The following DMD variants were observed in gnomAD, a reference collection of about 807,000 sequenced individuals.
DMD encodes the protein mutant dystrophin.
DMD carries 63 observed loss-of-function variants against 330.1 expected under a neutral mutation model. The observed-to-expected ratio is 0.19, with a 90% CI of 0.16 to 0.24. The LOEUF (loss-of-function observed/expected upper bound fraction) is 0.24, where lower values mean the gene tolerates loss of function less well. Among genes scored for constraint, DMD ranks in the 10% least tolerant of loss-of-function variants. The pLI is 1.00. For synonymous variants in DMD, 1,223 were observed against 959.8 expected (o/e 1.27, Z -5.07); for missense variants, 3,344 against 2,684.1 (o/e 1.25, Z -5.43).
chrX:32,979,221 T>C (rs2092637320), intron 2 of DMD, among the ~76,000 whole-genome samples: 1 of 112,318 alleles, frequency 8.9e-6, no homozygotes, highest in Non-Finnish European at 1.9e-5. Flanking sequence ...GAAACTCTCT[T>C]TGAACCTGAA....
intron 29 of DMD, among the ~76,000 whole-genome samples, chrX:32,431,917 G>A (rs1181677639): frequency 9.0e-6 from 1 of 110,877 alleles, no homozygotes. Flanking sequence ...AAGTTCCCCT[G>A]AGTTTAATCT....
chrX:31,759,145 A>T (rs2089365737), intron 51 of DMD, among the ~76,000 whole-genome samples: 2 of 111,218 alleles, frequency 1.8e-5, no homozygotes, highest in Admixed American at 1.9e-4. Context: ...CCAGAAAAAA[A>T]TATTCACATA....
intron 51 of DMD, among the ~76,000 whole-genome samples, chrX:31,767,782 T>C (rs1227173216): frequency 1.8e-5 from 2 of 112,304 alleles, no homozygotes; most frequent in Non-Finnish European, 3.8e-5. Context: ...TCAGAATTAT[T>C]CTGTAGCTAA....
chrX:31,207,677 A>C (rs977428766), intron 65 of DMD, among the ~76,000 whole-genome samples: 1 of 111,998 alleles, frequency 8.9e-6, no homozygotes, highest in African/African-American at 3.3e-5. Flanking sequence ...AAATGATGAG[A>C]GCTCACGAAC....
intron 60 of DMD, among the ~76,000 whole-genome samples, chrX:31,396,130 G>T (rs183782151): frequency 0.019 from 1,839 of 97,572 alleles, 44 homozygotes; most frequent in African/African-American, 0.07. Context: ...AGCTTCCAAA[G>T]ATGACAATTT....
intron 2 of DMD, among the ~76,000 whole-genome samples, chrX:32,980,390 A>T (rs1453850139): frequency 2.9e-5 from 3 of 104,280 alleles, no homozygotes; most frequent in Non-Finnish European, 5.8e-5. Flanking sequence ...AAAAAAAAAA[A>T]AAAGGAGTAA....
rs1163770103 is a variant in DMD, at chrX:31,550,727, C to G, written c.8218-43274G>C. Among the ~76,000 whole-genome samples, 7 of 112,041 alleles carry G rather than the reference C, an allele frequency of 6.2e-5. No individual in the cohort carries two copies. In the South Asian group the frequency reaches 1.9e-3, roughly 30 times the overall value. On this transcript the variant is annotated intron_variant, in intron 55 of 78. Coordinates refer to ENST00000357033, the MANE Select transcript of DMD (RefSeq NM_004006.3). ...AAGGTTATATATACATACACAGTCT[C>G]TCTCTCCCATGTAACTATATCCACT...
chrX:32,308,613 C>T (rs331314), intron 42 of DMD, among the ~76,000 whole-genome samples: 9,665 of 110,313 alleles, frequency 0.088, 357 homozygotes, highest in Non-Finnish European at 0.12. Context: ...ACAATAATAC[C>T]ATATTATAAA....
chrX:31,134,037 T>C lies in DMD; in HGVS notation c.11014+65A>G, dbSNP rs72466534. ...TCCATATGGAAAATACACACACCAGTTGGGTAGGGAAGCGAGTGGCCTGAT... is the reference window on the plus strand; with the variant it reads ...TCCATATGGAAAATACACACACCAGCTGGGTAGGGAAGCGAGTGGCCTGAT... On this transcript the variant is annotated intron_variant, in intron 77 of 78. Coordinates refer to ENST00000357033, the MANE Select transcript of DMD (RefSeq NM_004006.3). 1,736 of 987,850 alleles carry C rather than the reference T, an allele frequency of 1.8e-3. 32 individuals carry two copies. In the East Asian group the frequency reaches 0.046, roughly 26 times the overall value. 81.4% of individuals were successfully genotyped at this position (987,850 alleles called of 1,213,427 possible). A position where few individuals can be genotyped will look rare whatever the true frequency, so the allele number is the denominator to read the frequency against.
At chrX:32,912,880 T>C (rs2149342448) in intron 2 of DMD, among the ~76,000 whole-genome samples, 1 of 112,398 alleles carries the variant, frequency 8.9e-6, no homozygotes, top group African/African-American at 3.2e-5. Flanking sequence ...CATTTGGTTA[T>C]GATTGAAACT....
chrX:32,346,659 C>T (rs746902224), intron 38 of DMD, among the ~76,000 whole-genome samples: 1 of 111,187 alleles, frequency 9.0e-6, no homozygotes, highest in East Asian at 2.8e-4. Flanking sequence ...TGCTAAGTTA[C>T]CATCAAATAA....
intron 63 of DMD, among the ~76,000 whole-genome samples, chrX:31,226,464 G>A (rs930501796): frequency 2.7e-5 from 3 of 111,770 alleles, no homozygotes; most frequent in South Asian, 7.6e-4. Context: ...AAAGCATCTC[G>A]GAGTATCTTG....
chrX:33,045,127 T>A (rs767037083), intron 1 of DMD, among the ~76,000 whole-genome samples: 98 of 111,159 alleles, frequency 8.8e-4, no homozygotes, highest in Non-Finnish European at 1.6e-3. Flanking sequence ...TGAGGCTGTA[T>A]TTTGCATTTA....
At chrX:31,184,888 C>G in intron 67 of DMD, among the ~76,000 whole-genome samples, 1 of 92,889 alleles carries the variant, frequency 1.1e-5, no homozygotes, top group East Asian at 3.7e-4. Flanking sequence ...ACCGCATGTT[C>G]TCACTCATAG....
intron 7 of DMD, among the ~76,000 whole-genome samples, chrX:32,742,216 A>C (rs185435476): frequency 1.2e-4 from 14 of 112,136 alleles, no homozygotes; most frequent in Admixed American, 3.8e-4. Flanking sequence ...ATCACTCTAC[A>C]GTAATGACAC....
chrX:33,277,823 A>C (rs1305194304), intron 1 of DMD, among the ~76,000 whole-genome samples: 1 of 111,734 alleles, frequency 8.9e-6, no homozygotes, highest in Non-Finnish European at 1.9e-5. Flanking sequence ...TTACACAAAT[A>C]GAGACCAGAT....
chrX:31,558,492 G>C (rs996532688), intron 55 of DMD, among the ~76,000 whole-genome samples: 1 of 111,341 alleles, frequency 9.0e-6, no homozygotes, highest in African/African-American at 3.3e-5. Flanking sequence ...AGATGTTGAG[G>C]CTTCAATCAC....
intron 1 of DMD, chrX:33,041,340 C>A: frequency 8.7e-7 from 1 of 1,148,576 alleles, no homozygotes; most frequent in Non-Finnish European, 1.2e-6. Flanking sequence ...CTGCGCGTCG[C>A]CCTCCACGGT....
intron 47 of DMD, among the ~76,000 whole-genome samples, chrX:31,879,611 C>G (rs2094027366): frequency 8.9e-6 from 1 of 112,197 alleles, no homozygotes; most frequent in Admixed American, 9.5e-5. Context: ...CTAAAGCCAT[C>G]AGTGAAAAAT....
Sources: allele counts gnomAD v4.1 joint callset (sites outside exome capture counted in the v4.1 genomes callset), GRCh38; gene constraint gnomAD v4.1.1; transcripts MANE v1.5; gene names NCBI Gene and HGNC (gene_info 2026-07-23, HGNC 2026-07-21).